The following EPM2A variants were observed in gnomAD, a reference collection of about 807,000 sequenced individuals.
EPM2A encodes the protein laforin.
EPM2A carries 21 observed loss-of-function variants against 26.5 expected under a neutral mutation model. That is an observed-to-expected ratio of 0.79 (90% confidence interval 0.56 to 1.14). The LOEUF (loss-of-function observed/expected upper bound fraction) is 1.14. Ranked by LOEUF, EPM2A falls within the 50% of genes most tolerant of loss-of-function variation. The pLI is 0.00. For missense variants in EPM2A, 458 were observed against 440.8 expected, an observed-to-expected ratio of 1.04 and a Z score of -0.35; for synonymous variants, 217 against 177.6, an observed-to-expected ratio of 1.22 and a Z score of -1.76.
intron 1 of EPM2A, among the ~76,000 whole-genome samples, chr6:145,704,532 T>A (rs1416533571): frequency 1.3e-5 from 2 of 152,230 alleles, no homozygotes; most frequent in Non-Finnish European, 2.9e-5. Context: ...ATAGCGGAAG[T>A]GTTAGTACAT....
intron 4 of EPM2A, among the ~76,000 whole-genome samples, chr6:145,420,639 A>C (rs1374377767): frequency 1.3e-5 from 2 of 152,184 alleles, no homozygotes; most frequent in Non-Finnish European, 2.9e-5. Context: ...AGGACAATGG[A>C]GTATATAATT....
At chr6:145,539,592 A>G (rs1033746505) in intron 2 of EPM2A, among the ~76,000 whole-genome samples, 3 of 152,194 alleles carry the variant, frequency 2.0e-5, no homozygotes, top group African/African-American at 7.2e-5. Flanking sequence ...GTCTTTCCAA[A>G]ACACTTCAAG....
At chr6:145,404,376 A>G (rs1778538047) in intron 4 of EPM2A, among the ~76,000 whole-genome samples, 1 of 152,006 alleles carries the variant, frequency 6.6e-6, no homozygotes, top group Non-Finnish European at 1.5e-5. Context: ...TTATTGATAT[A>G]CAGGTCTTTA....
intron 2 of EPM2A, among the ~76,000 whole-genome samples, chr6:145,661,967 C>A (rs1582993701): frequency 6.6e-6 from 1 of 152,248 alleles, no homozygotes; most frequent in East Asian, 1.9e-4. Context: ...ATAAGACACA[C>A]AAAAAGCCCT....
chr6:145,627,538 C>A lies in EPM2A; in HGVS notation c.874G>T (p.Val292Leu). The A allele has an allele frequency of 1.9e-6, 3 of 1,614,242 alleles. No individual in the cohort carries two copies. Among genetic ancestry groups the A allele is most frequent in the East Asian group, 4.5e-5 (2 of 44,880 alleles). The change falls in exon 4 of 4, where the codon GTG becomes TTG. Residue 292 changes from valine to leucine, a missense_variant. By Grantham distance (32) the Val-to-Leu change is conservative. Coordinates refer to ENST00000367519, the MANE Select transcript of EPM2A (RefSeq NM_005670.4). ...QYVMGWNLRK[V>L]QYFLMAKRPA... ...CTCTTGGCCATGAGGAAATACTGCA[C>A]CTTCCTCAGATTCCAGCCCATCACA...
intron 4 of EPM2A, among the ~76,000 whole-genome samples, chr6:145,455,840 C>A (rs2114712468): frequency 6.6e-6 from 1 of 152,182 alleles, no homozygotes; most frequent in African/African-American, 2.4e-5. Flanking sequence ...AAAATTTTTA[C>A]ATTGAAACAT....
intron 2 of EPM2A, among the ~76,000 whole-genome samples, chr6:145,665,363 C>T (rs1779093953): frequency 1.3e-5 from 1 of 76,980 alleles, no homozygotes; most frequent in Non-Finnish European, 2.4e-5. Flanking sequence ...ATACAAACTA[C>T]CATCAGAGAA....
intron 2 of EPM2A, among the ~76,000 whole-genome samples, chr6:145,523,415 C>A (rs965293969): frequency 6.6e-6 from 1 of 152,194 alleles, no homozygotes; most frequent in Admixed American, 6.5e-5. Flanking sequence ...CATTTTCCAA[C>A]AGCATGTGCT....
intron 2 of EPM2A, among the ~76,000 whole-genome samples, chr6:145,560,517 T>C (rs889857336): frequency 2.5e-4 from 38 of 152,152 alleles, no homozygotes; most frequent in African/African-American, 9.2e-4. Flanking sequence ...GGCTACTTAT[T>C]TACCAAAATA....
intron 1 of EPM2A, among the ~76,000 whole-genome samples, chr6:145,733,823 T>C (rs1381477939): frequency 6.6e-6 from 1 of 152,202 alleles, no homozygotes; most frequent in Non-Finnish European, 1.5e-5. Flanking sequence ...CTTTACTGAT[T>C]CTTTGTTTCT....
chr6:145,390,661 C>A (rs1482646006), intron 4 of EPM2A, among the ~76,000 whole-genome samples: 1 of 151,990 alleles, frequency 6.6e-6, no homozygotes, highest in Admixed American at 6.6e-5. Flanking sequence ...TATTCTCTGG[C>A]TTTTACTCTA....
At chr6:145,649,658 G>A (rs1000974900) in intron 2 of EPM2A, among the ~76,000 whole-genome samples, 8 of 152,124 alleles carry the variant, frequency 5.3e-5, no homozygotes, top group Admixed American at 6.5e-5. Context: ...CTGTGTCTTC[G>A]AGAGACCAGA....
intron 2 of EPM2A, among the ~76,000 whole-genome samples, chr6:145,563,727 A>G (rs1464345434): frequency 6.6e-6 from 1 of 152,150 alleles, no homozygotes; most frequent in Non-Finnish European, 1.5e-5. Flanking sequence ...CAAAGAGTTT[A>G]GCCTAAAGTT....
chr6:145,398,240 AGGGCATG>A (rs1332877439), intron 4 of EPM2A, among the ~76,000 whole-genome samples: 6 of 152,120 alleles, frequency 3.9e-5, no homozygotes, highest in African/African-American at 1.4e-4. Flanking sequence ...CTTTCTTTTA[AGGGCATG>A]GTTATTTGTT....
intron 2 of EPM2A, among the ~76,000 whole-genome samples, chr6:145,619,708 C>A (rs1452896163): frequency 1.3e-5 from 2 of 150,828 alleles, no homozygotes; most frequent in Non-Finnish European, 1.5e-5. Flanking sequence ...GCCTTCCTCA[C>A]AATTAAAAAA....
chr6:145,547,187 G>A (rs1200039842), intron 2 of EPM2A, among the ~76,000 whole-genome samples: 1 of 151,972 alleles, frequency 6.6e-6, no homozygotes, highest in East Asian at 1.9e-4. Context: ...CCTCTATTCT[G>A]GTTAACTTTT....
At chr6:145,575,857 T>C (rs763842600) in intron 2 of EPM2A, among the ~76,000 whole-genome samples, 1 of 152,232 alleles carries the variant, frequency 6.6e-6, no homozygotes, top group East Asian at 1.9e-4. Context: ...ATTCTTAATA[T>C]TCTGTTCCTC....
intron 2 of EPM2A, among the ~76,000 whole-genome samples, chr6:145,588,649 C>T (rs913752139): frequency 2.0e-5 from 3 of 152,172 alleles, no homozygotes; most frequent in African/African-American, 7.2e-5. Context: ...AATATAAAAT[C>T]ATCAGCATTA....
intron 4 of EPM2A, among the ~76,000 whole-genome samples, chr6:145,404,694 C>T (rs1418363389): frequency 1.3e-5 from 2 of 152,056 alleles, no homozygotes; most frequent in South Asian, 4.1e-4. Context: ...CATTGTCAAT[C>T]CTGAAAATCC....
Sources: gnomAD v4.1 joint callset for allele counts (sites outside exome capture counted in the v4.1 genomes callset) on GRCh38, gnomAD v4.1.1 for gene constraint, MANE v1.5 for transcripts, NCBI Gene and HGNC (gene_info 2026-07-23, HGNC 2026-07-21) for gene names.